The following PCSK2 variants were observed in gnomAD, a reference collection of about 807,000 sequenced individuals.
PCSK2 encodes proprotein convertase subtilisin/kexin type 2.
PCSK2 carries 14 observed loss-of-function variants against 69.7 expected under a neutral mutation model. The observed-to-expected ratio is 0.20, with a 90% CI of 0.13 to 0.31. The LOEUF (loss-of-function observed/expected upper bound fraction) is 0.31. Ranked by LOEUF, PCSK2 falls within the 10% of genes least tolerant of loss-of-function variation. The pLI, the probability that PCSK2 is intolerant of heterozygous loss-of-function variation, is 1.00. For synonymous variants in PCSK2, 307 were observed against 320.7 expected (o/e 0.96, Z 0.46); for missense variants, 544 against 842.5 (o/e 0.65, Z 4.39).
At position 17,417,493 on chromosome 20, in the gene PCSK2, C is replaced by T. The variant is rs137881374; in HGVS notation, c.620+8154C>T. ...ATCAAGTCATTTTCAAAGATCCTCA[C>T]GCACTATGGCTTGTTATTACAAAGA... On this transcript the variant is annotated intron_variant, in intron 6 of 11. Transcript: ENST00000262545. 3.3e-3 allele frequency among the ~76,000 whole-genome samples: 500 copies of T among 152,298 alleles called. 5 individuals carry two copies. Among genetic ancestry groups the T allele is most frequent in the African/African-American group, 0.011 (475 of 41,552 alleles).
intron 1 of PCSK2, among the ~76,000 whole-genome samples, chr20:17,251,994 C>T (rs1313136589): frequency 2.0e-5 from 3 of 152,214 alleles, no homozygotes; most frequent in African/African-American, 7.2e-5. Flanking sequence ...TGGGCTTCCT[C>T]ATAACATGGC....
intron 8 of PCSK2, among the ~76,000 whole-genome samples, chr20:17,442,558 C>T (rs2032619479): frequency 6.6e-6 from 1 of 152,130 alleles, no homozygotes; most frequent in Admixed American, 6.5e-5. Context: ...CCAATTACGA[C>T]TTTTTTCTTC....
chr20:17,259,761 G>C (rs537803193), intron 1 of PCSK2, among the ~76,000 whole-genome samples: 1 of 152,100 alleles, frequency 6.6e-6, no homozygotes, highest in African/African-American at 2.4e-5. Flanking sequence ...AGGCACCAAG[G>C]GTTCACAGAA....
intron 5 of PCSK2, among the ~76,000 whole-genome samples, chr20:17,395,038 G>C (rs1179535261): frequency 6.6e-6 from 1 of 152,128 alleles, no homozygotes; most frequent in African/African-American, 2.4e-5. Context: ...CTTCCTGAAA[G>C]AGAACCGATC....
At chr20:17,427,697 C>T (rs1358668133) in intron 6 of PCSK2, among the ~76,000 whole-genome samples, 1 of 152,224 alleles carries the variant, frequency 6.6e-6, no homozygotes, top group African/African-American at 2.4e-5. Flanking sequence ...CTAGGCTTGT[C>T]TTGGCTGAGC....
intron 7 of PCSK2, 122 bp downstream of exon 7, chr20:17,429,645 T>G: frequency 3.2e-6 from 2 of 626,226 alleles, no homozygotes; most frequent in Non-Finnish European, 5.4e-6. Flanking sequence ...TTGGCACAAG[T>G]GAAAAAAATT....
chr20:17,245,383 G>A (rs748414107), intron 1 of PCSK2, among the ~76,000 whole-genome samples: 6 of 152,186 alleles, frequency 3.9e-5, no homozygotes, highest in Non-Finnish European at 7.3e-5. Flanking sequence ...GCCAAATGCA[G>A]CATTCTTGTG....
chr20:17,227,421 A>G lies in PCSK2; in HGVS notation c.116A>G (p.His39Arg). The part of the protein sequence containing the change: ...VFTNHFLVEL[H>R]KGGEDKARQV... ...ACGAATCATTTTCTTGTGGAGTTGCATAAAGGGGGAGAGGACAAAGCTCGC... is the reference window on the plus strand; with the variant it reads ...ACGAATCATTTTCTTGTGGAGTTGCGTAAAGGGGGAGAGGACAAAGCTCGC... The change falls in exon 1 of 12, where the codon CAT becomes CGT. Residue 39 changes from histidine (H) to arginine (R), a missense_variant. Physicochemically the swap from His to Arg is conservative, Grantham distance 29 (BLOSUM62 0). Coordinates refer to ENST00000262545, the MANE Select transcript of PCSK2 (RefSeq NM_002594.5). The G allele has an allele frequency of 6.2e-7, 1 of 1,614,024 alleles. No individual in the cohort carries two copies. The highest frequency in any genetic ancestry group is 2.2e-5 in the East Asian group (1 of 44,842).
chr20:17,227,221 A>C lies in PCSK2; in HGVS notation c.-85A>C. The C allele has an allele frequency of 1.1e-6, 1 of 903,216 alleles. No homozygotes were observed. The allele number at this position is 903,216 out of a possible 1,614,324, so 56.0% of individuals were successfully genotyped here. On this transcript the variant is annotated 5_prime_UTR_variant, in exon 1 of 12. Coordinates refer to ENST00000262545, the MANE Select transcript of PCSK2 (RefSeq NM_002594.5). ...GATTTTTTTAAAAACTATATATAAG[A>C]ATTCTTTATTTGCACCCTCCCTCCG...
chr20:17,282,411 A>G (rs1181006235), intron 2 of PCSK2, among the ~76,000 whole-genome samples: 1 of 152,176 alleles, frequency 6.6e-6, no homozygotes, highest in Non-Finnish European at 1.5e-5. Flanking sequence ...TTTAAGAAGA[A>G]ATATCGATTT....
At chr20:17,235,360 G>A (rs1392787069) in intron 1 of PCSK2, among the ~76,000 whole-genome samples, 1 of 152,090 alleles carries the variant, frequency 6.6e-6, no homozygotes, top group Non-Finnish European at 1.5e-5. Flanking sequence ...GGATCCTGGG[G>A]TTGCTCTTTG....
intron 5 of PCSK2, among the ~76,000 whole-genome samples, chr20:17,373,240 C>T (rs2030826912): frequency 6.6e-6 from 1 of 152,186 alleles, no homozygotes. Flanking sequence ...GGGCAGTTAT[C>T]AAACAAGACA....
chr20:17,278,850 C>CA (rs1988196795), intron 2 of PCSK2, among the ~76,000 whole-genome samples: 2 of 146,758 alleles, frequency 1.4e-5, no homozygotes. Flanking sequence ...CCTCTGTTGC[C>CA]TTTTTTTTTT....
intron 2 of PCSK2, among the ~76,000 whole-genome samples, chr20:17,322,913 G>C (rs1394056054): frequency 2.6e-5 from 4 of 152,114 alleles, no homozygotes; most frequent in Non-Finnish European, 5.9e-5. Context: ...ACCCAGGCTG[G>C]AGTCCAATGG....
chr20:17,347,541 G>A (rs148009643), intron 2 of PCSK2, among the ~76,000 whole-genome samples: 5 of 152,164 alleles, frequency 3.3e-5, no homozygotes, highest in Middle Eastern at 3.4e-3. Context: ...ATAACACACC[G>A]CATTGCAAAG....
At chr20:17,353,294 CCAAAAAAAATA>C (rs1444543826) in intron 2 of PCSK2, among the ~76,000 whole-genome samples, 1 of 84,408 alleles carries the variant, frequency 1.2e-5, no homozygotes, top group Admixed American at 1.3e-4. Context: ...AACCCTGTCT[CCAAAAAAAATA>C]CAAAAAAAAA....
At chr20:17,354,087 A>G (rs1199022642) in intron 2 of PCSK2, among the ~76,000 whole-genome samples, 1 of 152,170 alleles carries the variant, frequency 6.6e-6, no homozygotes, top group Non-Finnish European at 1.5e-5. Flanking sequence ...TTCATACCCT[A>G]AACTTGAGCA....
chr20:17,424,147 T>C (rs958611831), intron 6 of PCSK2, among the ~76,000 whole-genome samples: 1 of 152,228 alleles, frequency 6.6e-6, no homozygotes, highest in African/African-American at 2.4e-5. Context: ...ACAAATTAAA[T>C]ACCTATCATT....
At chr20:17,226,831 G>A (rs1329190607), upstream of PCSK2, among the ~76,000 whole-genome samples, 100 of 134,462 alleles carry the variant, frequency 7.4e-4, no homozygotes, top group African/African-American at 2.3e-3. Context: ...TGCGCCCCCA[G>A]AAGGCGGAGG....
Sources: gnomAD v4.1 joint callset for allele counts (sites outside exome capture counted in the v4.1 genomes callset) on GRCh38, gnomAD v4.1.1 for gene constraint, MANE v1.5 for transcripts, NCBI Gene and HGNC (gene_info 2026-07-23, HGNC 2026-07-21) for gene names.